Variants in TBC1D19 observed in about 807,000 individuals in gnomAD.
TBC1D19 encodes TBC1 domain family, member 19.
In TBC1D19, 60 loss-of-function variants were observed where a neutral mutation model predicts 89.0. The ratio of observed to expected loss-of-function variants is 0.67; its 90% confidence interval spans 0.55 to 0.84. The LOEUF is 0.84. Ranked by LOEUF, TBC1D19 falls within the 40% of genes least tolerant of loss-of-function variation. The pLI is 0.00. For synonymous variants in TBC1D19, 189 were observed against 199.7 expected, an observed-to-expected ratio of 0.95 and a Z score of 0.45; for missense variants, 500 against 610.8, an observed-to-expected ratio of 0.82 and a Z score of 1.91.
intron 13 of TBC1D19, among the ~76,000 whole-genome samples, chr4:26,701,610 G>A (rs748112243): frequency 6.6e-6 from 1 of 152,044 alleles, no homozygotes; most frequent in Non-Finnish European, 1.5e-5. Flanking sequence ...CTTAATGTTA[G>A]TAATTTGTAG....
chr4:26,654,005 C>T (rs1376361464), intron 7 of TBC1D19, among the ~76,000 whole-genome samples: 1 of 152,184 alleles, frequency 6.6e-6, no homozygotes, highest in Non-Finnish European at 1.5e-5. Context: ...TTTGCAGTGG[C>T]TGGTACCGGT....
At chr4:26,749,565 G>A (rs1403150686) in intron 19 of TBC1D19, among the ~76,000 whole-genome samples, 3 of 150,492 alleles carry the variant, frequency 2.0e-5, no homozygotes, top group East Asian at 2.0e-4. Flanking sequence ...TCCTTCCTCA[G>A]CCTCCCGAAT....
chr4:26,653,548 T>A (rs979635800), intron 7 of TBC1D19, among the ~76,000 whole-genome samples: 1 of 152,234 alleles, frequency 6.6e-6, no homozygotes, highest in Non-Finnish European at 1.5e-5. Flanking sequence ...TTTATGAATC[T>A]GGTTGCTCCT....
chr4:26,707,836 C>A (rs891188204), intron 13 of TBC1D19, among the ~76,000 whole-genome samples: 3 of 151,996 alleles, frequency 2.0e-5, no homozygotes, highest in Non-Finnish European at 4.4e-5. Flanking sequence ...TACTTTACGG[C>A]TCTATCCTCA....
chr4:26,685,331 C>T (rs185929902), intron 12 of TBC1D19, among the ~76,000 whole-genome samples: 1 of 152,292 alleles, frequency 6.6e-6, no homozygotes, highest in East Asian at 1.9e-4. Flanking sequence ...TGTAAAGTCT[C>T]ATGCCTGTGC....
At chr4:26,849,443 C>G in the TBC1D19 span, among the ~76,000 whole-genome samples, 92 of 152,214 alleles carry the variant, frequency 6.0e-4, no homozygotes, top group African/African-American at 2.1e-3. Context: ...CCTTCTTGAC[C>G]TTCAAAGTCA....
chr4:26,735,854 T>C (rs2109306416), intron 16 of TBC1D19, among the ~76,000 whole-genome samples: 1 of 152,034 alleles, frequency 6.6e-6, no homozygotes, highest in Admixed American at 6.6e-5. Context: ...AGATACCATC[T>C]CACACCAGTT....
intron 7 of TBC1D19, among the ~76,000 whole-genome samples, chr4:26,654,061 C>T (rs1336737735): frequency 6.6e-6 from 1 of 152,122 alleles, no homozygotes; most frequent in African/African-American, 2.4e-5. Flanking sequence ...TCTTTTAGGG[C>T]AGGCCTGGTG....
At chr4:26,741,560 C>G (rs1249734511) in intron 17 of TBC1D19, among the ~76,000 whole-genome samples, 1 of 151,688 alleles carries the variant, frequency 6.6e-6, no homozygotes, top group Admixed American at 6.6e-5. Flanking sequence ...TATTTCTTGT[C>G]TATCTCTATG....
intron 17 of TBC1D19, among the ~76,000 whole-genome samples, chr4:26,740,415 C>A (rs1301767770): frequency 1.3e-5 from 2 of 152,074 alleles, no homozygotes; most frequent in African/African-American, 4.8e-5. Context: ...TAATTATAAT[C>A]ATCATTCTTC....
chr4:26,795,810 T>G, the TBC1D19 span, among the ~76,000 whole-genome samples: 5 of 152,192 alleles, frequency 3.3e-5, no homozygotes. Flanking sequence ...AGAAAATAGG[T>G]AAATTTTTAA....
At chr4:26,622,629 T>C (rs1742131050) in intron 4 of TBC1D19, among the ~76,000 whole-genome samples, 1 of 152,162 alleles carries the variant, frequency 6.6e-6, no homozygotes, top group Admixed American at 6.6e-5. Flanking sequence ...TATTTTTACT[T>C]TTTTTACATT....
At chr4:26,594,771 A>G (rs1740093376) in intron 1 of TBC1D19, among the ~76,000 whole-genome samples, 1 of 152,224 alleles carries the variant, frequency 6.6e-6, no homozygotes, top group Admixed American at 6.5e-5. Context: ...GGTGCACCTA[A>G]ATAATAAATA....
At chr4:26,642,267 C>T (rs978990718) in intron 7 of TBC1D19, among the ~76,000 whole-genome samples, 6 of 152,098 alleles carry the variant, frequency 3.9e-5, no homozygotes, top group African/African-American at 1.4e-4. Context: ...AGACTGGGGG[C>T]CAATATTCAA....
intron 4 of TBC1D19, among the ~76,000 whole-genome samples, chr4:26,635,228 G>A (rs1377087288): frequency 1.3e-5 from 2 of 152,026 alleles, no homozygotes; most frequent in African/African-American, 2.4e-5. Context: ...TTTGGGGTGG[G>A]AGGCAGCAGG....
upstream of TBC1D19, chr4:26,583,847 C>T: frequency 2.8e-5 from 8 of 283,998 alleles, 1 homozygote; most frequent in South Asian, 3.0e-4. Flanking sequence ...TATAGTAAAA[C>T]GCACAATTCT....
rs1382424174 is a variant in TBC1D19, at chr4:26,620,649, A to C, written c.255A>C (p.Glu85Asp). The change falls in exon 4 of 21, where the codon GAA (glutamate) becomes GAC (aspartate). Residue 85 changes from glutamate to aspartate, a missense_variant. Coordinates refer to ENST00000264866, the MANE Select transcript of TBC1D19 (RefSeq NM_018317.4). ...PLPSHPAAPP[E>D]HLKEPLVYMR... ...CTAGTCATCCTGCTGCACCTCCTGA[A>C]CATCTTAAAGAACCTTTGGTATACA... 8.7e-6 allele frequency: 14 copies of C among 1,613,640 alleles called. No individual in the cohort carries two copies. The highest frequency in any genetic ancestry group is 1.2e-5 in the Non-Finnish European group (14 of 1,179,886).
chr4:26,651,783 CTT>C (rs1158030052), intron 7 of TBC1D19, among the ~76,000 whole-genome samples: 1 of 152,124 alleles, frequency 6.6e-6, no homozygotes, highest in Non-Finnish European at 1.5e-5. Context: ...GCATCCCTCT[CTT>C]GTGCCAGTTT....
At chr4:26,709,071 A>G (rs898829158) in intron 13 of TBC1D19, among the ~76,000 whole-genome samples, 2 of 151,738 alleles carry the variant, frequency 1.3e-5, no homozygotes, top group Non-Finnish European at 2.9e-5. Context: ...AAAGGGACAT[A>G]TAAATCTAAT....
Sources: gnomAD v4.1 joint callset for allele counts (sites outside exome capture counted in the v4.1 genomes callset) on GRCh38, gnomAD v4.1.1 for gene constraint, MANE v1.5 for transcripts, NCBI Gene and HGNC (gene_info 2026-07-23, HGNC 2026-07-21) for gene names.